The following PARVA variants were observed in gnomAD, a reference collection of about 807,000 sequenced individuals.
PARVA encodes the protein alpha-parvin.
PARVA carries 25 observed loss-of-function variants against 52.6 expected under a neutral mutation model. That is an observed-to-expected ratio of 0.48 (90% CI 0.35 to 0.66). The LOEUF (loss-of-function observed/expected upper bound fraction) is 0.66, where lower values mean the gene tolerates loss of function less well. Ranked by LOEUF, PARVA falls within the 30% of genes least tolerant of loss-of-function variation. The pLI, the probability that PARVA is intolerant of heterozygous loss-of-function variation, is 0.01. For missense variants in PARVA, 373 were observed against 450.9 expected, an observed-to-expected ratio of 0.83 and a Z score of 1.56; for synonymous variants, 185 against 179.1, an observed-to-expected ratio of 1.03 and a Z score of -0.26.
chr11:12,422,816 T>TA (rs1351710358), intron 1 of PARVA, among the ~76,000 whole-genome samples: 1 of 152,198 alleles, frequency 6.6e-6, no homozygotes, highest in Non-Finnish European at 1.5e-5. Flanking sequence ...TATCATAATT[T>TA]AAAATTTTGG....
chr11:12,469,667 A>C (rs771973777), intron 1 of PARVA, among the ~76,000 whole-genome samples: 1 of 152,208 alleles, frequency 6.6e-6, no homozygotes, highest in African/African-American at 2.4e-5. Flanking sequence ...TCACTTTTAC[A>C]AACAGTTGGC....
At chr11:12,401,537 A>G (rs1939828381) in intron 1 of PARVA, among the ~76,000 whole-genome samples, 1 of 152,220 alleles carries the variant, frequency 6.6e-6, no homozygotes, top group South Asian at 2.1e-4. Context: ...GTGCCAGCCC[A>G]GTGTCTGTGG....
In PARVA at chr11:12,534,765, G is replaced by T. The variant is rs540594234; in HGVS notation, c.*6840G>T. ...CTGCACAACTCTCTGGCTGCTATGT[G>T]TCTTCCTGGAAACCCTGTCAAAGGC... On this transcript the variant is annotated 3_prime_UTR_variant, in exon 13 of 13. Transcript: ENST00000334956. Among the ~76,000 whole-genome samples, 96 of 152,352 alleles carry T rather than the reference G, an allele frequency of 6.3e-4. No individual in the cohort carries two copies. The highest frequency in any genetic ancestry group is 2.3e-3 in the African/African-American group (95 of 41,590).
intron 1 of PARVA, among the ~76,000 whole-genome samples, chr11:12,422,347 TATAGTCCCTAAAGAAGA>T (rs1476667034): frequency 1.3e-5 from 2 of 152,206 alleles, no homozygotes; most frequent in Non-Finnish European, 2.9e-5. Context: ...TTCTTCAAGA[TATAGTCCCTAAAGAAGA>T]ATTAAGGATA....
chr11:12,518,961 T>C (rs1406912050), intron 12 of PARVA, among the ~76,000 whole-genome samples: 1 of 152,132 alleles, frequency 6.6e-6, no homozygotes. Context: ...GGACAGGCCA[T>C]GATTTGTGGG....
chr11:12,403,618 T>C (rs1939860693), intron 1 of PARVA, among the ~76,000 whole-genome samples: 1 of 152,200 alleles, frequency 6.6e-6, no homozygotes, highest in African/African-American at 2.4e-5. Flanking sequence ...AAATAAGAGA[T>C]TAGATTTGTT....
intron 1 of PARVA, among the ~76,000 whole-genome samples, chr11:12,408,372 A>G (rs1051282005): frequency 1.3e-5 from 2 of 152,202 alleles, no homozygotes; most frequent in African/African-American, 4.8e-5. Flanking sequence ...GCTGAGCTGC[A>G]GACCATACCT....
chr11:12,395,174 T>G (rs1184446649), intron 1 of PARVA, among the ~76,000 whole-genome samples: 3 of 152,148 alleles, frequency 2.0e-5, no homozygotes, highest in African/African-American at 7.2e-5. Flanking sequence ...TATTTTTGAT[T>G]CACGTTTGGT....
chr11:12,513,032 G>T (rs1231273660), intron 8 of PARVA: 1 of 632,280 alleles, frequency 1.6e-6, no homozygotes, highest in Non-Finnish European at 2.9e-6. Context: ...CTAATCCCGG[G>T]TCACACTACC....
intron 1 of PARVA, among the ~76,000 whole-genome samples, chr11:12,470,177 T>A (rs181355126): frequency 2.0e-5 from 3 of 152,382 alleles, no homozygotes; most frequent in Admixed American, 1.3e-4. Context: ...TCCCATTCTC[T>A]GCTTTGGCAA....
chr11:12,452,028 A>T (rs538854765), intron 1 of PARVA, among the ~76,000 whole-genome samples: 1 of 151,788 alleles, frequency 6.6e-6, no homozygotes, highest in African/African-American at 2.4e-5. Context: ...AGGGTGAAGT[A>T]CCCCAGATAG....
chr11:12,495,413 AT>A (rs1237578284), intron 4 of PARVA, among the ~76,000 whole-genome samples: 1 of 152,222 alleles, frequency 6.6e-6, no homozygotes, highest in East Asian at 1.9e-4. Context: ...ACATAGTAAA[AT>A]TTAACTTGTA....
At chr11:12,379,134 G>GT (rs1277627652) in intron 1 of PARVA, among the ~76,000 whole-genome samples, 1 of 152,226 alleles carries the variant, frequency 6.6e-6, no homozygotes, top group Non-Finnish European at 1.5e-5. Context: ...TGCTGGGAGT[G>GT]TATCAGTGAG....
chr11:12,440,936 A>G (rs1458880699), intron 1 of PARVA, among the ~76,000 whole-genome samples: 1 of 152,256 alleles, frequency 6.6e-6, no homozygotes, highest in Admixed American at 6.5e-5. Context: ...AATCAAAACT[A>G]GTACCCATGA....
At position 12,397,255 on chromosome 11, in the gene PARVA, G is replaced by A. The variant is rs561295878; in HGVS notation, c.136+19472G>A. ...ATTTATTCTTATTTTTAGAGATGGCGTCTTGCTATATTGCCTATGCTGGAC... is the reference window on the plus strand; with the variant it reads ...ATTTATTCTTATTTTTAGAGATGGCATCTTGCTATATTGCCTATGCTGGAC... On this transcript the variant is annotated intron_variant, in intron 1 of 12. Coordinates refer to ENST00000334956, the MANE Select transcript of PARVA (RefSeq NM_018222.5). Among the ~76,000 whole-genome samples the A allele has an allele frequency of 1.3e-3, 201 of 152,216 alleles. 1 individual carries two copies. Among genetic ancestry groups the A allele is most frequent in the African/African-American group, 3.9e-3 (164 of 41,524 alleles).
At chr11:12,404,686 G>A (rs1939876383) in intron 1 of PARVA, among the ~76,000 whole-genome samples, 1 of 152,210 alleles carries the variant, frequency 6.6e-6, no homozygotes, top group African/African-American at 2.4e-5. Context: ...TTAGGGTAGC[G>A]CGGGTGGCCC....
intron 1 of PARVA, among the ~76,000 whole-genome samples, chr11:12,467,221 C>T (rs542395094): frequency 2.6e-5 from 4 of 152,254 alleles, no homozygotes; most frequent in Middle Eastern, 3.4e-3. Context: ...GCCTTGTATC[C>T]TGCAACCTTG....
At chr11:12,506,215 G>C (rs1941429366) in intron 6 of PARVA, among the ~76,000 whole-genome samples, 1 of 152,144 alleles carries the variant, frequency 6.6e-6, no homozygotes, top group South Asian at 2.1e-4. Context: ...AACAGTTCAT[G>C]AAAGAGTACT....
Position 12,513,325 on chromosome 11 carries a change from G to A in PARVA, c.763G>A (p.Asp255Asn), listed in dbSNP as rs1276340670. Reference protein sequence around the residue: ...HERDAFDTLFDHAPDKLNVVK... With the variant: ...HERDAFDTLFNHAPDKLNVVK... Reference sequence around the variant, plus strand: ...ACGTGATGCCTTTGACACCTTGTTCGACCATGCCCCAGACAAGCTGAATGT... The same window carrying A: ...ACGTGATGCCTTTGACACCTTGTTCAACCATGCCCCAGACAAGCTGAATGT... The change falls in exon 9 of 13, where the codon GAC becomes AAC. Residue 255 changes from aspartate (D) to asparagine (N), a missense_variant. Asp to Asn is a conservative substitution (Grantham distance 23, BLOSUM62 1). Coordinates refer to ENST00000334956, the MANE Select transcript of PARVA (RefSeq NM_018222.5). 8.1e-6 allele frequency: 13 copies of A among 1,613,716 alleles called. No individual in the cohort carries two copies. Among genetic ancestry groups the A allele is most frequent in the South Asian group, 3.3e-5 (3 of 91,068 alleles).
Sources: gnomAD v4.1 joint callset for allele counts (sites outside exome capture counted in the v4.1 genomes callset) on GRCh38, gnomAD v4.1.1 for gene constraint, MANE v1.5 for transcripts, NCBI Gene and HGNC (gene_info 2026-07-23, HGNC 2026-07-21) for gene names.